LNX1: variants seen among roughly 807,000 people sequenced by gnomAD.
LNX1 encodes E3 ubiquitin-protein ligase LNX.
A neutral mutation model predicts 68.4 loss-of-function variants in LNX1; 54 were observed. The ratio of observed to expected loss-of-function variants is 0.79; its 90% CI spans 0.63 to 0.99. The LOEUF (loss-of-function observed/expected upper bound fraction) is 0.99. LNX1 is among the 50% of genes least tolerant of loss of function. The pLI is 0.00. For synonymous variants in LNX1, 336 were observed against 350.0 expected (o/e 0.96, Z 0.45); for missense variants, 906 against 926.4 (o/e 0.98, Z 0.29).
chr4:53,580,818 C>G (rs890242679), intron 1 of LNX1, among the ~76,000 whole-genome samples: 1 of 152,110 alleles, frequency 6.6e-6, no homozygotes, highest in Non-Finnish European at 1.5e-5. Flanking sequence ...GTGGGGCTCT[C>G]TTATTTGTTT....
intron 1 of LNX1, among the ~76,000 whole-genome samples, chr4:53,627,646 T>A (rs1734128209): frequency 1.3e-5 from 2 of 152,112 alleles, no homozygotes; most frequent in Admixed American, 1.3e-4. Context: ...CAGAGGTGAG[T>A]AATTTTTCTC....
At chr4:53,644,703 C>T (rs1395376470) in intron 1 of LNX1, among the ~76,000 whole-genome samples, 3 of 152,144 alleles carry the variant, frequency 2.0e-5, no homozygotes, top group Non-Finnish European at 2.9e-5. Flanking sequence ...GGGTAGGTTA[C>T]CCCAGCACCA....
intron 2 of LNX1, among the ~76,000 whole-genome samples, chr4:53,602,407 A>G (rs1451363784): frequency 6.6e-6 from 1 of 152,206 alleles, no homozygotes; most frequent in Non-Finnish European, 1.5e-5. Context: ...TACCTGGGCC[A>G]ACATCAGCTG....
intron 2 of LNX1, among the ~76,000 whole-genome samples, chr4:53,604,826 C>T (rs1436625400): frequency 6.6e-6 from 1 of 152,102 alleles, no homozygotes; most frequent in Non-Finnish European, 1.5e-5. Context: ...AGGTCACAGG[C>T]CACCTTTCTC....
At chr4:53,519,967 A>G (rs769155171) in intron 2 of LNX1, among the ~76,000 whole-genome samples, 1 of 152,236 alleles carries the variant, frequency 6.6e-6, no homozygotes, top group South Asian at 2.1e-4. Flanking sequence ...TGCTCACCCT[A>G]TAAGTGACAG....
chr4:53,600,466 C>G (rs1732950837), intron 2 of LNX1, among the ~76,000 whole-genome samples: 1 of 152,052 alleles, frequency 6.6e-6, no homozygotes, highest in Non-Finnish European at 1.5e-5. Context: ...AAAGGGCAGG[C>G]CCTCAAAAAC....
At chr4:53,543,060 T>C (rs191748415) in intron 2 of LNX1, among the ~76,000 whole-genome samples, 1 of 152,354 alleles carries the variant, frequency 6.6e-6, no homozygotes, top group Admixed American at 6.5e-5. Context: ...AGGGTCTCAC[T>C]ATGTTGCTCA....
exon 1 of LNX1, chr4:53,652,358 C>T (rs549750492): frequency 6.6e-6 from 1 of 152,168 alleles, no homozygotes; most frequent in Non-Finnish European, 1.5e-5. Flanking sequence ...CATCCCCTGC[C>T]CCTTCTGCAA....
chr4:53,468,500 C>G (rs1332096414), intron 9 of LNX1, among the ~76,000 whole-genome samples: 1 of 152,058 alleles, frequency 6.6e-6, no homozygotes, highest in Non-Finnish European at 1.5e-5. Flanking sequence ...CAATATTCAC[C>G]TTAAATGTAA....
At chr4:53,533,571 G>A (rs1728165922) in intron 2 of LNX1, among the ~76,000 whole-genome samples, 1 of 152,094 alleles carries the variant, frequency 6.6e-6, no homozygotes, top group Non-Finnish European at 1.5e-5. Flanking sequence ...GCTAATTTTT[G>A]TATTTTTTGG....
chr4:53,535,229 G>C (rs1459151251), intron 2 of LNX1, among the ~76,000 whole-genome samples: 1 of 152,128 alleles, frequency 6.6e-6, no homozygotes, highest in Non-Finnish European at 1.5e-5. Context: ...GTTTAATTAG[G>C]TTATGTAGAC....
At chr4:53,487,556 A>C (rs542773802) in intron 6 of LNX1, among the ~76,000 whole-genome samples, 11 of 152,142 alleles carry the variant, frequency 7.2e-5, no homozygotes, top group Non-Finnish European at 1.6e-4. Flanking sequence ...CTATACACAC[A>C]CTTGAAAGGA....
chr4:53,538,674 A>C (rs554029783), intron 2 of LNX1, among the ~76,000 whole-genome samples: 9 of 152,270 alleles, frequency 5.9e-5, no homozygotes, highest in African/African-American at 2.2e-4. Flanking sequence ...TGATTCATCT[A>C]TTATTCAAAA....
At position 53,467,861 on chromosome 4, in the gene LNX1, C is replaced by T. The variant is rs1341868197; in HGVS notation, c.1893-6268G>A. Among the ~76,000 whole-genome samples, 144 of 152,174 alleles carry T rather than the reference C, an allele frequency of 9.5e-4. 2 individuals are homozygous for T. The highest frequency in any genetic ancestry group is 3.1e-4 in the Non-Finnish European group (21 of 68,032). On this transcript the variant is annotated intron_variant, in intron 9 of 10. Coordinates refer to ENST00000263925, the MANE Select transcript of LNX1 (RefSeq NM_001126328.3). The stretch of plus-strand genomic sequence containing the variant: ...CTATGTGAAAAGACCAAATCTATGT[C>T]TGATTGGTGTACCTGAAAGTGACGA...
intron 1 of LNX1, among the ~76,000 whole-genome samples, chr4:53,636,329 TAAG>T (rs1384998751): frequency 6.6e-6 from 1 of 151,962 alleles, no homozygotes; most frequent in Non-Finnish European, 1.5e-5. Flanking sequence ...ATCACTGTGG[TAAG>T]AAGAACACAA....
chr4:53,532,818 C>T (rs1317898457), intron 2 of LNX1, among the ~76,000 whole-genome samples: 1 of 152,204 alleles, frequency 6.6e-6, no homozygotes, highest in Non-Finnish European at 1.5e-5. Context: ...GCTGCCTCAC[C>T]TGAGGGTGAA....
At chr4:53,510,790 T>G in intron 2 of LNX1, among the ~76,000 whole-genome samples, 1 of 152,246 alleles carries the variant, frequency 6.6e-6, no homozygotes, top group East Asian at 1.9e-4. Context: ...CTTGACCATG[T>G]GCCCTGCCAG....
intron 10 of LNX1, 76 bp downstream of exon 10, chr4:53,461,359 T>A (rs17082837): frequency 0.06 from 72,227 of 1,195,554 alleles, 4,935 homozygotes; most frequent in South Asian, 0.27. Context: ...ACATGCCTTA[T>A]CTCAAATGGG....
intron 2 of LNX1, among the ~76,000 whole-genome samples, chr4:53,566,826 A>C (rs1730728222): frequency 2.0e-5 from 3 of 148,920 alleles, no homozygotes; most frequent in Admixed American, 2.0e-4. Flanking sequence ...AATGGAAAAC[A>C]AAAAAAGGCA....
Sources: allele counts gnomAD v4.1 joint callset (sites outside exome capture counted in the v4.1 genomes callset), GRCh38; gene constraint gnomAD v4.1.1; transcripts MANE v1.5; gene names NCBI Gene and HGNC (gene_info 2026-07-23, HGNC 2026-07-21).